Variants in FMN2 observed in about 807,000 individuals in gnomAD.
FMN2 encodes the protein formin-2.
In FMN2, 51 loss-of-function variants were observed where a neutral mutation model predicts 142.3. The observed-to-expected ratio is 0.36, with a 90% CI of 0.29 to 0.45. FMN2 has a LOEUF of 0.45. FMN2 is among the 20% of genes least tolerant of loss of function. The probability of loss-of-function intolerance (pLI) is 1.00; values close to 1 mark genes in which losing one functional copy is unlikely to be tolerated. For missense variants in FMN2, 1,936 were observed against 2,122.8 expected (o/e 0.91, Z 1.73); for synonymous variants, 882 against 869.8 (o/e 1.01, Z -0.25).
intron 16 of FMN2, among the ~76,000 whole-genome samples, chr1:240,454,478 G>T (rs555192002): frequency 6.6e-6 from 1 of 152,270 alleles, no homozygotes; most frequent in South Asian, 2.1e-4. Flanking sequence ...GGAGGCAGAG[G>T]TTGCAATGAG....
chr1:240,221,763 G>A (rs1054215419), intron 6 of FMN2, among the ~76,000 whole-genome samples: 2 of 149,424 alleles, frequency 1.3e-5, no homozygotes, highest in African/African-American at 4.9e-5. Flanking sequence ...TTTGGCTTTT[G>A]TTGCCATTGC....
chr1:240,468,240 A>ACACACACATATATACATATG (rs1676690128), intron 16 of FMN2, among the ~76,000 whole-genome samples: 1 of 82,326 alleles, frequency 1.2e-5, no homozygotes, highest in Non-Finnish European at 2.3e-5. Flanking sequence ...GTGTATTCAC[A>ACACACACATATATACATATG]CACACACATA....
chr1:240,129,136 A>G (rs1222054738), intron 2 of FMN2, among the ~76,000 whole-genome samples: 3 of 152,090 alleles, frequency 2.0e-5, no homozygotes, highest in African/African-American at 4.8e-5. Context: ...GGCCTCCCAA[A>G]GTGCTGGGAT....
intron 16 of FMN2, among the ~76,000 whole-genome samples, chr1:240,449,102 G>A (rs149343316): frequency 9.3e-4 from 140 of 150,998 alleles, no homozygotes; most frequent in South Asian, 8.8e-3. Context: ...AGATAGTTCC[G>A]CTGCACTCTA....
chr1:240,293,440 T>A (rs1053219864), intron 7 of FMN2, among the ~76,000 whole-genome samples: 7 of 152,202 alleles, frequency 4.6e-5, no homozygotes, highest in African/African-American at 1.4e-4. Flanking sequence ...AGAGCTAGAC[T>A]CTGCACAAAT....
rs143847498 is a variant in FMN2, at chr1:240,207,407, G to A, written c.2595G>A (p.Glu865=). The change falls in exon 5 of 18, where the codon GAG becomes GAA. Residue 865 remains glutamate (E), a synonymous_variant. Coordinates refer to ENST00000319653, the MANE Select transcript of FMN2 (RefSeq NM_020066.5). The part of the protein sequence containing the change: ...IPSPPPLPCT[E]SSSSMPGLGM... ...CTCCACCACCTCTGCCTTGCACAGA[G>A]TCCTCCAGCTCCATGCCTGGCCTGG... 1.9e-5 allele frequency: 31 copies of A among 1,613,740 alleles called. No individual in the cohort carries two copies. The highest frequency in any genetic ancestry group is 2.6e-5 in the Non-Finnish European group (31 of 1,179,868).
chr1:240,353,487 T>G (rs1320902055), intron 13 of FMN2, among the ~76,000 whole-genome samples: 3 of 152,270 alleles, frequency 2.0e-5, no homozygotes, highest in African/African-American at 7.2e-5. Flanking sequence ...AACTAACCCA[T>G]CCAACAGCAA....
rs376517214 is a variant in FMN2 at position 240,378,893 on chromosome 1, G to A, written c.4859-13618G>A. On this transcript the variant is annotated intron_variant, in intron 14 of 17. Coordinates refer to ENST00000319653, the MANE Select transcript of FMN2 (RefSeq NM_020066.5). Reference sequence around the variant, plus strand: ...GGGTGGTTACTAAAAAACTACATTCGTATTAATATCCTTATTTGCTGGTTC... The same window carrying A: ...GGGTGGTTACTAAAAAACTACATTCATATTAATATCCTTATTTGCTGGTTC... Among the ~76,000 whole-genome samples, 15 of 152,086 alleles carry A rather than the reference G, an allele frequency of 9.9e-5. No individual in the cohort carries two copies. The South Asian group carries it at 2.1e-3, about 21-fold the overall frequency.
chr1:240,276,362 A>G (rs930908606), intron 7 of FMN2, among the ~76,000 whole-genome samples: 1 of 152,166 alleles, frequency 6.6e-6, no homozygotes, highest in Non-Finnish European at 1.5e-5. Flanking sequence ...GAAGGCATGA[A>G]TAATGGTGCG....
chr1:240,114,313 C>T (rs1188935814), intron 1 of FMN2, among the ~76,000 whole-genome samples: 1 of 152,212 alleles, frequency 6.6e-6, no homozygotes. Flanking sequence ...TCAGAACTCT[C>T]TGATACTCTA....
At chr1:240,209,883 G>A (rs560043055) in intron 5 of FMN2, among the ~76,000 whole-genome samples, 3 of 151,942 alleles carry the variant, frequency 2.0e-5, no homozygotes, top group East Asian at 2.0e-4. Context: ...CAGCCTGGGC[G>A]ACAGAGCGAG....
intron 14 of FMN2, among the ~76,000 whole-genome samples, chr1:240,367,820 A>C (rs1430782253): frequency 6.6e-6 from 1 of 151,834 alleles, no homozygotes; most frequent in Non-Finnish European, 1.5e-5. Flanking sequence ...AAGTTGGTAA[A>C]GATAATGTCC....
At chr1:240,304,511 T>C (rs1670309776) in intron 8 of FMN2, among the ~76,000 whole-genome samples, 1 of 152,148 alleles carries the variant, frequency 6.6e-6, no homozygotes, top group Non-Finnish European at 1.5e-5. Context: ...TGCTTTTAAA[T>C]GTCCTAATCT....
chr1:240,361,141 GTA>G (rs202070560), intron 14 of FMN2, among the ~76,000 whole-genome samples: 930 of 42,938 alleles, frequency 0.022, 4 homozygotes, highest in Middle Eastern at 0.031. Flanking sequence ...AAATATATGT[GTA>G]TATATATATA....
chr1:240,340,445 G>C (rs1041894371), intron 13 of FMN2, among the ~76,000 whole-genome samples: 1 of 152,128 alleles, frequency 6.6e-6, no homozygotes, highest in Non-Finnish European at 1.5e-5. Context: ...ACCGGGCATG[G>C]TGGTGGGCGC....
intron 4 of FMN2, among the ~76,000 whole-genome samples, chr1:240,189,308 A>G (rs1445547126): frequency 6.6e-6 from 1 of 152,196 alleles, no homozygotes; most frequent in Non-Finnish European, 1.5e-5. Context: ...TCAGTAACTT[A>G]GTATTAGAAA....
At position 240,411,558 on chromosome 1, in the gene FMN2, G is replaced by A. The variant is rs1179753090; in HGVS notation, c.4910+18996G>A. The stretch of plus-strand genomic sequence containing the variant: ...TGTACTCCAGCCTGGGTGACAGAGT[G>A]AGACTCCATCTCAAAAAAAAAAAAA... On this transcript the variant is annotated intron_variant, in intron 15 of 17. Coordinates refer to ENST00000319653, the MANE Select transcript of FMN2 (RefSeq NM_020066.5). Among the ~76,000 whole-genome samples the A allele has an allele frequency of 1.1e-3, 168 of 148,090 alleles. 1 individual carries two copies. The highest frequency in any genetic ancestry group is 1.8e-4 in the Non-Finnish European group (12 of 67,366).
intron 14 of FMN2, among the ~76,000 whole-genome samples, chr1:240,360,864 C>G (rs911431859): frequency 9.9e-5 from 15 of 151,664 alleles, no homozygotes; most frequent in Admixed American, 2.0e-4. Context: ...AGCAAACTAT[C>G]GCAAGGACAA....
intron 6 of FMN2, among the ~76,000 whole-genome samples, chr1:240,224,890 T>A (rs192503165): frequency 2.6e-3 from 393 of 152,290 alleles, no homozygotes; most frequent in African/African-American, 9.2e-3. Flanking sequence ...AAGGAGTCAA[T>A]CATGGTGAAT....
Sources: gnomAD v4.1 joint callset for allele counts (sites outside exome capture counted in the v4.1 genomes callset) on GRCh38, gnomAD v4.1.1 for gene constraint, MANE v1.5 for transcripts, NCBI Gene and HGNC (gene_info 2026-07-23, HGNC 2026-07-21) for gene names.